ARHGAP35: variants seen among roughly 807,000 people sequenced by gnomAD.
ARHGAP35 encodes the protein rho GTPase-activating protein 35.
Under a neutral mutation model 111.1 loss-of-function variants are expected in ARHGAP35, and 15 were observed. The observed-to-expected ratio is 0.13, with a 90% CI of 0.09 to 0.21. The LOEUF is 0.21. ARHGAP35 is among the 10% of genes least tolerant of loss of function. The pLI is 1.00. For synonymous variants in ARHGAP35, 643 were observed against 710.3 expected, an observed-to-expected ratio of 0.91 and a Z score of 1.51; for missense variants, 1,262 against 1,873.0, an observed-to-expected ratio of 0.67 and a Z score of 6.02.
At chr19:46,952,977 G>T (rs777372273) in intron 3 of ARHGAP35, among the ~76,000 whole-genome samples, 3 of 152,192 alleles carry the variant, frequency 2.0e-5, no homozygotes, top group Non-Finnish European at 4.4e-5. Context: ...ACCATGCCTG[G>T]CCCTACATCA....
intron 3 of ARHGAP35, among the ~76,000 whole-genome samples, chr19:46,967,174 A>G (rs2056520604): frequency 6.6e-6 from 1 of 151,958 alleles, no homozygotes; most frequent in Non-Finnish European, 1.5e-5. Context: ...GGGACGGGAA[A>G]GGTCAGGCCA....
In ARHGAP35 at chr19:46,920,567, A is replaced by G; in HGVS notation, c.1892A>G (p.Lys631Arg). ...TNDDKYVIDG[K>R]MYELSLRPIE... ...GATGACAAGTATGTGATAGATGGTA[A>G]AATGTATGAGCTTTCCCTGAGGCCA... The change falls in exon 2 of 7, where the codon AAA becomes AGA. Residue 631 changes from lysine (K) to arginine (R), a missense_variant. Lys to Arg is a conservative substitution (Grantham distance 26). Around this residue, in one of 8 missense-constraint regions of ARHGAP35, gnomAD observed 37 missense variants for 83.9 expected, o/e 0.44. Transcript: ENST00000672722. The surrounding 1 kb of genome is among the most constrained non-coding windows in gnomAD (Gnocchi z 7.0). 6.2e-7 allele frequency: 1 copy of G among 1,613,966 alleles called. No individual in the cohort carries two copies. Among genetic ancestry groups the G allele is most frequent in the Non-Finnish European group, 8.5e-7 (1 of 1,179,858 alleles).
chr19:46,904,127 C>T (rs2056094392), intron 1 of ARHGAP35, among the ~76,000 whole-genome samples: 2 of 152,034 alleles, frequency 1.3e-5, no homozygotes, highest in South Asian at 4.1e-4. Context: ...GGAGAGACAG[C>T]ACTGGGATGG....
At chr19:46,870,382 A>G (rs2055881465) in intron 1 of ARHGAP35, among the ~76,000 whole-genome samples, 1 of 151,822 alleles carries the variant, frequency 6.6e-6, no homozygotes, top group African/African-American at 2.4e-5. Context: ...GATCGAGACC[A>G]CCGTGGCTAA....
intron 1 of ARHGAP35, among the ~76,000 whole-genome samples, chr19:46,888,260 TAATATATATATATA>T (rs1271278823): frequency 5.6e-5 from 3 of 53,106 alleles, no homozygotes; most frequent in African/African-American, 2.2e-4. Flanking sequence ...CCTCAATCAA[TAATATATATATATA>T]TATATATATA....
intron 1 of ARHGAP35, among the ~76,000 whole-genome samples, chr19:46,877,336 G>A (rs1599794508): frequency 6.6e-6 from 1 of 152,080 alleles, no homozygotes; most frequent in East Asian, 1.9e-4. Context: ...GCGGAGGTGG[G>A]TGGATCACCT....
intron 5 of ARHGAP35, among the ~76,000 whole-genome samples, chr19:46,997,920 G>A (rs2056721932): frequency 6.6e-6 from 1 of 152,068 alleles, no homozygotes; most frequent in African/African-American, 2.4e-5. Flanking sequence ...AGCTAACACG[G>A]TGAAACCCCG....
At chr19:46,895,386 C>T (rs1178460564) in intron 1 of ARHGAP35, among the ~76,000 whole-genome samples, 2 of 151,950 alleles carry the variant, frequency 1.3e-5, no homozygotes, top group South Asian at 2.1e-4. Flanking sequence ...GGATAGTCTT[C>T]GATCTCCTGA....
At chr19:46,872,408 A>C (rs185318463) in intron 1 of ARHGAP35, among the ~76,000 whole-genome samples, 1 of 151,826 alleles carries the variant, frequency 6.6e-6, no homozygotes, top group Non-Finnish European at 1.5e-5. Context: ...TGATTCAGGG[A>C]AAAAAAGATT....
At chr19:46,910,195 C>G (rs557702049) in intron 1 of ARHGAP35, among the ~76,000 whole-genome samples, 23 of 152,294 alleles carry the variant, frequency 1.5e-4, no homozygotes, top group African/African-American at 5.5e-4. Context: ...TCACTGTAAC[C>G]TCAAACTTCT....
intron 1 of ARHGAP35, among the ~76,000 whole-genome samples, chr19:46,905,391 T>A (rs8101283): frequency 0.33 from 49,239 of 147,544 alleles, 8,677 homozygotes; most frequent in African/African-American, 0.43. Context: ...TTTTTTTTTT[T>A]AATAGATGGA....
chr19:46,894,094 C>T (rs1044653703), intron 1 of ARHGAP35, among the ~76,000 whole-genome samples: 1 of 152,066 alleles, frequency 6.6e-6, no homozygotes, highest in African/African-American at 2.4e-5. Context: ...AACTCTCTCC[C>T]TTGTCCTTAG....
chr19:46,976,256 T>C (rs535579937), intron 3 of ARHGAP35, among the ~76,000 whole-genome samples: 1 of 148,964 alleles, frequency 6.7e-6, no homozygotes, highest in South Asian at 2.1e-4. Context: ...CACCCTCCCG[T>C]TTTTCTGCTT....
chr19:46,980,798 C>A (rs922295729), intron 3 of ARHGAP35, among the ~76,000 whole-genome samples: 4 of 152,246 alleles, frequency 2.6e-5, no homozygotes, highest in Non-Finnish European at 5.9e-5. Context: ...CAGCAGAACT[C>A]AGGTGCTCAT....
intron 1 of ARHGAP35, among the ~76,000 whole-genome samples, chr19:46,888,481 G>A (rs1452941535): frequency 6.7e-6 from 1 of 149,778 alleles, no homozygotes; most frequent in East Asian, 2.0e-4. Context: ...CATATATGCT[G>A]TAGATGGCCA....
At chr19:46,974,458 A>G (rs572688607) in intron 3 of ARHGAP35, among the ~76,000 whole-genome samples, 1 of 152,298 alleles carries the variant, frequency 6.6e-6, no homozygotes, top group Admixed American at 6.5e-5. Flanking sequence ...AACGCTTAAC[A>G]TACATTTGCT....
At chr19:46,878,738 T>A in intron 1 of ARHGAP35, among the ~76,000 whole-genome samples, 1 of 152,198 alleles carries the variant, frequency 6.6e-6, no homozygotes, top group South Asian at 2.1e-4. Flanking sequence ...CCTCCTGGGC[T>A]CAAGTGATTC....
intron 1 of ARHGAP35, among the ~76,000 whole-genome samples, chr19:46,886,777 A>G (rs2055995163): frequency 7.4e-6 from 1 of 135,274 alleles, no homozygotes; most frequent in Admixed American, 7.6e-5. Flanking sequence ...AATGCTTAAG[A>G]ATCCTTAGTG....
At chr19:46,893,154 C>T (rs1158398002) in intron 1 of ARHGAP35, among the ~76,000 whole-genome samples, 10 of 152,128 alleles carry the variant, frequency 6.6e-5, no homozygotes, top group Non-Finnish European at 1.5e-4. Context: ...CCAGTGAATT[C>T]TGCGGGGGAG....
Sources: allele counts gnomAD v4.1 joint callset (sites outside exome capture counted in the v4.1 genomes callset), GRCh38; gene constraint gnomAD v4.1.1; regional missense constraint gnomAD v4.1.1; non-coding constraint Gnocchi (gnomAD v3.1); transcripts MANE v1.5; gene names NCBI Gene and HGNC (gene_info 2026-07-23, HGNC 2026-07-21).